The following PDE1A variants were observed in gnomAD, a reference collection of about 807,000 sequenced individuals.
PDE1A encodes phosphodiesterase 1A, also known as dual specificity calcium/calmodulin-dependent 3',5'-cyclic nucleotide phosphodiesterase 1A.
PDE1A carries 35 observed loss-of-function variants against 61.7 expected under a neutral mutation model. That is an observed-to-expected ratio of 0.57 (90% CI 0.43 to 0.75). The LOEUF (loss-of-function observed/expected upper bound fraction) is 0.75, where lower values mean the gene tolerates loss of function less well. Ranked by LOEUF, PDE1A falls within the 30% of genes least tolerant of loss-of-function variation. The pLI, the probability that PDE1A is intolerant of heterozygous loss-of-function variation, is 0.00. For missense variants in PDE1A, 597 were observed against 630.6 expected, an observed-to-expected ratio of 0.95 and a Z score of 0.57; for synonymous variants, 232 against 213.2, an observed-to-expected ratio of 1.09 and a Z score of -0.77.
the PDE1A span, among the ~76,000 whole-genome samples, chr2:182,685,620 C>G: frequency 6.6e-6 from 1 of 152,120 alleles, no homozygotes; most frequent in Admixed American, 6.5e-5. Flanking sequence ...AAGTTAGGAC[C>G]ATGGGAGGGA....
chr2:182,178,864 C>T (rs1684512381), intron 13 of PDE1A, among the ~76,000 whole-genome samples: 1 of 152,030 alleles, frequency 6.6e-6, no homozygotes, highest in South Asian at 2.1e-4. Flanking sequence ...AGCAAGGGGT[C>T]AGAGTCAGAA....
chr2:182,709,946 G>T, the PDE1A span, among the ~76,000 whole-genome samples: 1 of 152,156 alleles, frequency 6.6e-6, no homozygotes, highest in Non-Finnish European at 1.5e-5. Flanking sequence ...TGCCAGGCTG[G>T]AGTGCAGTGG....
intron 1 of PDE1A, among the ~76,000 whole-genome samples, chr2:182,416,945 A>G (rs1310001510): frequency 1.3e-5 from 2 of 152,182 alleles, no homozygotes; most frequent in East Asian, 3.8e-4. Flanking sequence ...GTGACCTACG[A>G]CCAAACAGTA....
chr2:182,370,909 G>C, intron 1 of PDE1A, among the ~76,000 whole-genome samples: 1 of 152,042 alleles, frequency 6.6e-6, no homozygotes, highest in East Asian at 1.9e-4. Flanking sequence ...TTCCAGCAAA[G>C]ACCCAGAAAA....
chr2:182,676,132 AG>A, the PDE1A span, among the ~76,000 whole-genome samples: 1 of 152,168 alleles, frequency 6.6e-6, no homozygotes, highest in Non-Finnish European at 1.5e-5. Flanking sequence ...ACCATTCAAA[AG>A]ATAAATGAAT....
At chr2:182,530,385 C>G in the PDE1A span, among the ~76,000 whole-genome samples, 1 of 152,092 alleles carries the variant, frequency 6.6e-6, no homozygotes, top group Middle Eastern at 3.2e-3. Flanking sequence ...TAAATAAAAG[C>G]CTTCCAAATT....
chr2:182,325,439 G>C (rs1269213579), intron 1 of PDE1A, among the ~76,000 whole-genome samples: 1 of 151,640 alleles, frequency 6.6e-6, no homozygotes, highest in South Asian at 2.1e-4. Context: ...CAAAAACATG[G>C]GTAATGAAAC....
intron 1 of PDE1A, among the ~76,000 whole-genome samples, chr2:182,345,647 G>T (rs932662040): frequency 3.9e-5 from 6 of 152,064 alleles, no homozygotes; most frequent in Admixed American, 2.0e-4. Flanking sequence ...GAACATACCA[G>T]CATGCTCCTG....
chr2:182,604,590 C>T, the PDE1A span, among the ~76,000 whole-genome samples: 4 of 152,230 alleles, frequency 2.6e-5, no homozygotes, highest in Non-Finnish European at 5.9e-5. Context: ...AAAGAAGTTA[C>T]AGGTTTTCAG....
At chr2:182,601,780 G>A in the PDE1A span, among the ~76,000 whole-genome samples, 3 of 152,176 alleles carry the variant, frequency 2.0e-5, no homozygotes, top group African/African-American at 7.2e-5. Flanking sequence ...TCTTAGCAGA[G>A]TAGAGACCCT....
the PDE1A span, among the ~76,000 whole-genome samples, chr2:182,686,286 T>A: frequency 2.0e-5 from 3 of 152,212 alleles, no homozygotes; most frequent in Admixed American, 6.5e-5. Context: ...TTTCCTAGGG[T>A]TAAACTATCT....
intron 1 of PDE1A, among the ~76,000 whole-genome samples, chr2:182,399,096 C>T (rs961104548): frequency 6.6e-6 from 1 of 151,768 alleles, no homozygotes; most frequent in South Asian, 2.1e-4. Context: ...AAAATTACGG[C>T]CAGTTTTCTC....
At chr2:182,580,435 C>T in the PDE1A span, among the ~76,000 whole-genome samples, 2 of 152,088 alleles carry the variant, frequency 1.3e-5, no homozygotes, top group Admixed American at 6.6e-5. Flanking sequence ...TCCAAATTTT[C>T]TCTTCTTATA....
downstream of PDE1A, chr2:182,167,745 T>C (rs906508472): frequency 4.6e-5 from 13 of 285,388 alleles, no homozygotes; most frequent in Middle Eastern, 1.7e-3. Context: ...ATTTCATCCC[T>C]GCCATTCACT....
intron 2 of PDE1A, among the ~76,000 whole-genome samples, chr2:182,247,301 A>C (rs1245055047): frequency 1.3e-5 from 2 of 152,208 alleles, no homozygotes. Flanking sequence ...CAAGAAACTC[A>C]GTATTTCTGT....
chr2:182,504,930 T>C (rs939378565), intron 2 of PDE1A, among the ~76,000 whole-genome samples: 1 of 152,230 alleles, frequency 6.6e-6, no homozygotes, highest in African/African-American at 2.4e-5. Context: ...TGTAAGTTTC[T>C]TTTTAAGGAC....
intron 2 of PDE1A, among the ~76,000 whole-genome samples, chr2:182,505,896 A>G (rs978540216): frequency 2.0e-5 from 3 of 152,202 alleles, no homozygotes; most frequent in African/African-American, 7.2e-5. Context: ...AATAAATAAT[A>G]TCTTTGGAAA....
chr2:182,485,408 A>G (rs1178082908), intron 2 of PDE1A, among the ~76,000 whole-genome samples: 9 of 152,020 alleles, frequency 5.9e-5, no homozygotes, highest in Non-Finnish European at 1.3e-4. Flanking sequence ...AAAGATACCT[A>G]TTGCGTACTG....
intron 2 of PDE1A, among the ~76,000 whole-genome samples, chr2:182,242,929 G>GTA (rs1690663746): frequency 8.5e-6 from 1 of 117,668 alleles, no homozygotes; most frequent in African/African-American, 3.3e-5. Flanking sequence ...TCTCTCTCGT[G>GTA]TGTGTATGTG....
Sources: gnomAD v4.1 joint callset for allele counts (sites outside exome capture counted in the v4.1 genomes callset) on GRCh38, gnomAD v4.1.1 for gene constraint, MANE v1.5 for transcripts, NCBI Gene and HGNC (gene_info 2026-07-23, HGNC 2026-07-21) for gene names.